The following UGGT1 variants were observed in gnomAD, a reference collection of about 807,000 sequenced individuals.
UGGT1 encodes UDP-glucose:glycoprotein glucosyltransferase 1.
In UGGT1, 107 loss-of-function variants were observed where a neutral mutation model predicts 203.9. That is an observed-to-expected ratio of 0.52 (90% CI 0.45 to 0.62). UGGT1 has a LOEUF of 0.62. Among genes scored for constraint, UGGT1 ranks in the 20% least tolerant of loss-of-function variants. UGGT1 has a pLI of 0.00. For synonymous variants in UGGT1, 628 were observed against 653.5 expected, an observed-to-expected ratio of 0.96 and a Z score of 0.59; for missense variants, 1,673 against 1,867.2, an observed-to-expected ratio of 0.90 and a Z score of 1.92.
rs1016483846 is a variant in UGGT1, at chr2:128,164,711, C to T, written c.2826-19C>T. The T allele has an allele frequency of 7.5e-6, 12 of 1,608,338 alleles. No individual in the cohort carries two copies. In the African/African-American group the frequency reaches 1.6e-4, roughly 21 times the overall value. On this transcript the variant is annotated intron_variant, in intron 25 of 40. Coordinates refer to ENST00000259253, the MANE Select transcript of UGGT1 (RefSeq NM_020120.4). ...TTCAGTTAAAAAGATGTTAAGATTT[C>T]TCTAACCCCTTCTTTCAGGGCAAGC...
intron 16 of UGGT1, among the ~76,000 whole-genome samples, chr2:128,142,843 C>T (rs1317676179): frequency 6.6e-6 from 1 of 151,574 alleles, no homozygotes; most frequent in Non-Finnish European, 1.5e-5. Context: ...ATTAGCTGGG[C>T]GTGGTGGCAG....
intron 1 of UGGT1, among the ~76,000 whole-genome samples, chr2:128,093,358 G>C (rs1468372436): frequency 2.6e-5 from 4 of 152,094 alleles, no homozygotes; most frequent in African/African-American, 9.7e-5. Context: ...TAATGAATGA[G>C]GCCTGTGTTT....
At chr2:128,102,055 A>C (rs978327836) in intron 2 of UGGT1, among the ~76,000 whole-genome samples, 13 of 152,218 alleles carry the variant, frequency 8.5e-5, no homozygotes, top group Admixed American at 1.3e-4. Context: ...CAATTTAAGT[A>C]CAATAACCAC....
At position 128,127,498 on chromosome 2, in the gene UGGT1, A is replaced by C; in HGVS notation, c.1226+46A>C. ...TCTCTGAAAAGTTTTTGTAATGCGT[A>C]GCACCTTGTAACATGTTCATATTGC... On this transcript the variant is annotated intron_variant, in intron 12 of 40. Coordinates refer to ENST00000259253, the MANE Select transcript of UGGT1 (RefSeq NM_020120.4). 2.2e-6 allele frequency: 3 copies of C among 1,359,540 alleles called. No individual in the cohort carries two copies. In the East Asian group the frequency reaches 6.9e-5, roughly 31 times the overall value. The allele number at this position is 1,359,540 out of a possible 1,614,324, so 84.2% of individuals were successfully genotyped here.
intron 15 of UGGT1, among the ~76,000 whole-genome samples, chr2:128,135,667 C>T (rs1689099183): frequency 6.6e-6 from 1 of 152,130 alleles, no homozygotes; most frequent in Non-Finnish European, 1.5e-5. Context: ...GGAAAAGATC[C>T]TCTGTATACT....
chr2:128,101,572 A>C (rs932425106), intron 2 of UGGT1, among the ~76,000 whole-genome samples: 4 of 152,244 alleles, frequency 2.6e-5, no homozygotes, highest in Admixed American at 6.5e-5. Flanking sequence ...GTAATGACCC[A>C]AGAATGTAGC....
chr2:128,189,595 A>G, intron 40 of UGGT1, 122 bp from the exon 41 acceptor site: 1 of 979,564 alleles, frequency 1.0e-6, no homozygotes, highest in Non-Finnish European at 1.5e-6. Context: ...AGATTTAGTA[A>G]GTGAGATAAG....
intron 1 of UGGT1, among the ~76,000 whole-genome samples, chr2:128,095,612 C>G (rs1687086867): frequency 6.6e-6 from 1 of 152,094 alleles, no homozygotes; most frequent in Non-Finnish European, 1.5e-5. Context: ...CCTTAGCCTC[C>G]CAAGTAGCTG....
chr2:128,178,363 C>T lies in UGGT1; in HGVS notation c.3714-105C>T, dbSNP rs1691504401. 13 of 980,542 alleles carry T rather than the reference C, an allele frequency of 1.3e-5. 1 individual carries two copies. In the South Asian group the frequency reaches 2.1e-4, roughly 16 times the overall value. 60.7% of individuals were successfully genotyped at this position (980,542 alleles called of 1,614,324 possible). ...CATAACCACTCCTGCTGCAGCTCACCCGCTAGGGAAGGATGGGAAGCGCAG... is the reference window on the plus strand; with the variant it reads ...CATAACCACTCCTGCTGCAGCTCACTCGCTAGGGAAGGATGGGAAGCGCAG... On this transcript the variant is annotated intron_variant, in intron 33 of 40. Transcript: ENST00000259253.
Position 128,133,239 on chromosome 2 carries a change from C to G in UGGT1, c.1476C>G (p.Ile492Met), listed in dbSNP as rs139418908. The G allele has an allele frequency of 4.3e-5, 70 of 1,613,682 alleles. No individual in the cohort carries two copies. The highest frequency in any genetic ancestry group is 8.3e-5 in the Admixed American group (5 of 59,970). Residue 492 changes from isoleucine to methionine, a missense_variant, in exon 14 of 41, where the codon ATC becomes ATG. Transcript: ENST00000259253. Reference protein sequence around the residue: ...RPTFPGVIRQIRKNLHNMVFI... With the variant: ...RPTFPGVIRQMRKNLHNMVFI... ...CCTTTCCTGGTGTTATTCGGCAGAT[C>G]AGGAAAAACTTACATAATATGGTAA...
intron 31 of UGGT1, among the ~76,000 whole-genome samples, chr2:128,175,180 AAAAG>A (rs1242356994): frequency 6.6e-6 from 1 of 152,158 alleles, no homozygotes; most frequent in African/African-American, 2.4e-5. Context: ...AAGAAAGGAG[AAAAG>A]AAAGAAAGAA....
At chr2:128,102,065 C>G (rs544669299) in intron 2 of UGGT1, among the ~76,000 whole-genome samples, 50 of 152,282 alleles carry the variant, frequency 3.3e-4, no homozygotes, top group African/African-American at 1.2e-3. Flanking sequence ...ACAATAACCA[C>G]CATCACCACC....
rs1689959436 is a variant in UGGT1 at position 128,151,328 on chromosome 2, G to C, written c.2017-1456G>C. 5.4e-6 allele frequency: 3 copies of C among 554,216 alleles called. No individual in the cohort carries two copies. The Admixed American group carries it at 7.4e-5, about 14-fold the overall frequency. 34.3% of individuals were successfully genotyped at this position (554,216 alleles called of 1,614,324 possible). On this transcript the variant is annotated intron_variant, in intron 18 of 40. Transcript: ENST00000259253. ...AGCAGCACCTTCACAGGCAGACATGGCGCCTGCCACGCCTTCCCCAGGCCC... is the reference window on the plus strand; with the variant it reads ...AGCAGCACCTTCACAGGCAGACATGCCGCCTGCCACGCCTTCCCCAGGCCC...
intron 33 of UGGT1, among the ~76,000 whole-genome samples, chr2:128,178,264 G>T (rs904942904): frequency 1.3e-5 from 2 of 152,142 alleles, no homozygotes; most frequent in Admixed American, 1.3e-4. Context: ...AAACAACACT[G>T]TCGGAGAGTG....
chr2:128,120,376 A>G lies in UGGT1; in HGVS notation c.893A>G (p.Glu298Gly). ...TTTAGAGATCTGCACCCCGACCTGG[A>G]GGGACAGTTGAAAGAACTCAGAAAG... ...GKLRDLHPDL[E>G]GQLKELRKHL... Residue 298 changes from glutamate (E) to glycine (G), a missense_variant, in exon 9 of 41, where the codon GAG becomes GGG. Around this residue, in one of 4 missense-constraint regions of UGGT1, gnomAD observed 1,073 missense variants for 1,078.7 expected, o/e 0.99. Transcript: ENST00000259253. The G allele has an allele frequency of 6.2e-7, 1 of 1,613,934 alleles. No homozygotes were observed. The highest frequency in any genetic ancestry group is 8.5e-7 in the Non-Finnish European group (1 of 1,179,950).
At chr2:128,141,266 C>T (rs144905288) in intron 16 of UGGT1, among the ~76,000 whole-genome samples, 2,275 of 151,978 alleles carry the variant, frequency 0.015, 29 homozygotes, top group South Asian at 0.056. Context: ...CGAGACCAGC[C>T]TGGCCAACAT....
In UGGT1 at chr2:128,116,309, G is replaced by A; in HGVS notation, c.838G>A (p.Asp280Asn). The A allele has an allele frequency of 1.2e-6, 2 of 1,612,274 alleles. No homozygotes were observed. Among genetic ancestry groups the A allele is most frequent in the South Asian group, 2.2e-5 (2 of 91,022 alleles). ...TTVIGENDPI[D>N]EVQGFLFGKL... ...AGTGATTGGTGAAAATGATCCTATT[G>A]ATGAGGTTCAGGGGTTCCTCTTTGG... Residue 280 changes from aspartate (D) to asparagine (N), a missense_variant, in exon 8 of 41, where the codon GAT (aspartate) becomes AAT (asparagine). Physicochemically the swap from Asp to Asn is conservative, Grantham distance 23 (BLOSUM62 1). Coordinates refer to ENST00000259253, the MANE Select transcript of UGGT1 (RefSeq NM_020120.4).
chr2:128,177,301 C>T (rs1014368073), intron 32 of UGGT1, among the ~76,000 whole-genome samples: 1 of 151,976 alleles, frequency 6.6e-6, no homozygotes, highest in African/African-American at 2.4e-5. Context: ...GCTCTTAGTG[C>T]CTTAAATTCA....
At chr2:128,146,749 G>T (rs1689708298) in intron 18 of UGGT1, among the ~76,000 whole-genome samples, 1 of 151,980 alleles carries the variant, frequency 6.6e-6, no homozygotes, top group South Asian at 2.1e-4. Context: ...TCTCCATTTT[G>T]CCCATTTTGT....
Sources: gnomAD v4.1 joint callset for allele counts (sites outside exome capture counted in the v4.1 genomes callset) on GRCh38, gnomAD v4.1.1 for gene constraint, gnomAD v4.1.1 regional missense constraint, MANE v1.5 for transcripts, NCBI Gene and HGNC (gene_info 2026-07-23, HGNC 2026-07-21) for gene names.